Variants in CYTH1 observed in about 807,000 individuals in gnomAD.
CYTH1 encodes cytohesin 1, also known as cytohesin-1.
In CYTH1, 18 loss-of-function variants were observed where a neutral mutation model predicts 61.8. The ratio of observed to expected loss-of-function variants is 0.29; its 90% CI spans 0.20 to 0.43. CYTH1 has a LOEUF of 0.43. CYTH1 is among the 20% of genes least tolerant of loss of function. The pLI, the probability that CYTH1 is intolerant of heterozygous loss-of-function variation, is 1.00. For synonymous variants in CYTH1, 174 were observed against 184.3 expected, an observed-to-expected ratio of 0.94 and a Z score of 0.45; for missense variants, 336 against 510.5, an observed-to-expected ratio of 0.66 and a Z score of 3.29.
intron 1 of CYTH1, among the ~76,000 whole-genome samples, chr17:78,742,657 A>T (rs991310875): frequency 2.6e-5 from 4 of 152,112 alleles, no homozygotes; most frequent in Non-Finnish European, 5.9e-5. Context: ...GTTTGAGGCC[A>T]GCCTAGCCGA....
chr17:78,727,239 G>C (rs1428766971), intron 1 of CYTH1, among the ~76,000 whole-genome samples: 1 of 152,190 alleles, frequency 6.6e-6, no homozygotes, highest in African/African-American at 2.4e-5. Flanking sequence ...GACATGATAA[G>C]CATAAAGCTT....
At chr17:78,745,597 A>G (rs1294138562) in intron 1 of CYTH1, among the ~76,000 whole-genome samples, 2 of 152,198 alleles carry the variant, frequency 1.3e-5, no homozygotes, top group Non-Finnish European at 2.9e-5. Flanking sequence ...ATTGCACCAA[A>G]AAATTCCATT....
At chr17:78,726,787 G>C (rs929704725) in intron 1 of CYTH1, among the ~76,000 whole-genome samples, 3 of 152,092 alleles carry the variant, frequency 2.0e-5, no homozygotes, top group African/African-American at 7.2e-5. Context: ...AGCAAGAAGC[G>C]GCAGCCAGGC....
chr17:78,705,222 A>C (rs1338820906), intron 3 of CYTH1, among the ~76,000 whole-genome samples: 1 of 152,100 alleles, frequency 6.6e-6, no homozygotes, highest in Non-Finnish European at 1.5e-5. Flanking sequence ...CAGCCACCAG[A>C]ACGCACACTC....
chr17:78,709,649 C>A lies in CYTH1; in HGVS notation c.105+1G>T, dbSNP rs779714580. 6.2e-7 allele frequency: 1 copy of A among 1,614,236 alleles called. No individual in the cohort carries two copies. The highest frequency in any genetic ancestry group is 8.5e-7 in the Non-Finnish European group (1 of 1,180,018). The stretch of plus-strand genomic sequence containing the variant: ...GTGAAACCACCATGCCACTCTCCTA[C>A]CTGAATGTCAGCCAGCAGCTCCTGT... On this transcript the variant is annotated splice_donor_variant, in intron 2 of 13. Transcript: ENST00000446868. LOFTEE classifies it high-confidence loss of function.
At position 78,700,099 on chromosome 17, in the gene CYTH1, C is replaced by G. The variant is rs995571451; in HGVS notation, c.550+232G>C. Among the ~76,000 whole-genome samples the G allele has an allele frequency of 1.3e-5, 2 of 152,178 alleles. No homozygotes were observed. The highest frequency in any genetic ancestry group is 1.9e-4 in the East Asian group (1 of 5,206). Reference sequence around the variant, plus strand: ...TGTGAGCCACTGCATGCAGCTAAAACATGGTTTTTAATAGCTGTGTATTTC... The same window carrying G: ...TGTGAGCCACTGCATGCAGCTAAAAGATGGTTTTTAATAGCTGTGTATTTC... On this transcript the variant is annotated intron_variant, in intron 7 of 13. Transcript: ENST00000446868. This position sits in a 1 kb window ranked among gnomAD's most constrained non-coding sequence, Gnocchi z 5.1.
chr17:78,756,201 T>C (rs1348590264), intron 1 of CYTH1, among the ~76,000 whole-genome samples: 2 of 151,572 alleles, frequency 1.3e-5, no homozygotes, highest in Admixed American at 1.3e-4. Context: ...ACGGCCACTC[T>C]AGTAGCTGGG....
intron 1 of CYTH1, among the ~76,000 whole-genome samples, chr17:78,764,233 G>C (rs182827538): frequency 1.0e-3 from 132 of 130,362 alleles, no homozygotes; most frequent in Non-Finnish European, 1.5e-3. Flanking sequence ...GTCTTGCTCT[G>C]TTGTCCAGGC....
chr17:78,739,556 T>TG (rs1182951548), intron 1 of CYTH1, among the ~76,000 whole-genome samples: 1 of 151,252 alleles, frequency 6.6e-6, no homozygotes, highest in African/African-American at 2.4e-5. Context: ...GTGAGGAGGG[T>TG]GGTAGGCGAA....
chr17:78,739,418 A>G (rs563883643), intron 1 of CYTH1, among the ~76,000 whole-genome samples: 1 of 152,344 alleles, frequency 6.6e-6, no homozygotes, highest in East Asian at 1.9e-4. Flanking sequence ...ATGTCAGAAA[A>G]TAAGTACTGT....
chr17:78,781,930 G>A (rs1165779832), intron 1 of CYTH1, among the ~76,000 whole-genome samples: 3 of 148,644 alleles, frequency 2.0e-5, no homozygotes, highest in Non-Finnish European at 4.5e-5. Context: ...CCGCGAGACC[G>A]CGAGCCCGGC....
intron 1 of CYTH1, among the ~76,000 whole-genome samples, chr17:78,760,355 TTATATA>T (rs370393556): frequency 0.089 from 4,663 of 52,458 alleles, 520 homozygotes; most frequent in Middle Eastern, 0.17. Context: ...AATAGCAGGT[TTATATA>T]TATATATATA....
At position 78,750,032 on chromosome 17, in the gene CYTH1, G is replaced by A. The variant is rs187496520; in HGVS notation, c.22+32170C>T. Among the ~76,000 whole-genome samples, 107 of 152,272 alleles carry A rather than the reference G, an allele frequency of 7.0e-4. No individual in the cohort carries two copies. The Middle Eastern group carries it at 0.01, about 15-fold the overall frequency. ...GATAGCAAATCAATGGCCAGGGGGTGAGAATATGCTTCTCCACGTGCCCAG... is the reference window on the plus strand; with the variant it reads ...GATAGCAAATCAATGGCCAGGGGGTAAGAATATGCTTCTCCACGTGCCCAG... On this transcript the variant is annotated intron_variant, in intron 1 of 13. Coordinates refer to ENST00000446868, the MANE Select transcript of CYTH1 (RefSeq NM_004762.6).
intron 1 of CYTH1, among the ~76,000 whole-genome samples, chr17:78,736,074 T>C (rs894209687): frequency 2.0e-5 from 3 of 152,234 alleles, no homozygotes; most frequent in Admixed American, 2.0e-4. Context: ...AGTCCTCACC[T>C]AACAACCAAA....
chr17:78,761,412 A>G (rs1239489579), intron 1 of CYTH1, among the ~76,000 whole-genome samples: 4 of 152,190 alleles, frequency 2.6e-5, no homozygotes, highest in Non-Finnish European at 4.4e-5. Flanking sequence ...AAGCACTCAC[A>G]CTACTCAAAG....
intron 1 of CYTH1, among the ~76,000 whole-genome samples, chr17:78,729,788 T>C (rs1332799168): frequency 6.6e-6 from 1 of 152,160 alleles, no homozygotes; most frequent in African/African-American, 2.4e-5. Flanking sequence ...TGGCACAGAA[T>C]ACCTTCTCAC....
At chr17:78,724,795 G>A (rs2093256627) in intron 1 of CYTH1, among the ~76,000 whole-genome samples, 1 of 152,170 alleles carries the variant, frequency 6.6e-6, no homozygotes, top group South Asian at 2.1e-4. Flanking sequence ...TGCCATGGGG[G>A]TTGGGCTGGC....
In CYTH1 at chr17:78,683,992, C is replaced by T. The variant is rs141990686; in HGVS notation, c.892-2950G>A. Among the ~76,000 whole-genome samples, 224 of 152,254 alleles carry T rather than the reference C, an allele frequency of 1.5e-3. 1 individual carries two copies. The highest frequency in any genetic ancestry group is 5.2e-3 in the African/African-American group (216 of 41,546). The stretch of plus-strand genomic sequence containing the variant: ...AATGTATACTCTTTGACTGGTGAGG[C>T]CTGCGGCATCCAGGTTACATATGCA... On this transcript the variant is annotated intron_variant, in intron 11 of 13. Coordinates refer to ENST00000446868, the MANE Select transcript of CYTH1 (RefSeq NM_004762.6).
At chr17:78,722,748 C>T (rs1337340360) in intron 1 of CYTH1, among the ~76,000 whole-genome samples, 1 of 152,140 alleles carries the variant, frequency 6.6e-6, no homozygotes, top group Non-Finnish European at 1.5e-5. Context: ...GGAAAGGACC[C>T]CTAGCATTAA....
Sources: allele counts gnomAD v4.1 joint callset (sites outside exome capture counted in the v4.1 genomes callset), GRCh38; gene constraint gnomAD v4.1.1; non-coding constraint Gnocchi (gnomAD v3.1); transcripts MANE v1.5; gene names NCBI Gene and HGNC (gene_info 2026-07-23, HGNC 2026-07-21).